The following SLC39A11 variants were observed in gnomAD, a reference collection of about 807,000 sequenced individuals.
SLC39A11 encodes solute carrier family 39 member 11.
Under a neutral mutation model 36.1 loss-of-function variants are expected in SLC39A11, and 33 were observed. The observed-to-expected ratio is 0.91, with a 90% CI of 0.69 to 1.22. The LOEUF (loss-of-function observed/expected upper bound fraction) is 1.22. Ranked by LOEUF, SLC39A11 falls within the 50% of genes most tolerant of loss-of-function variation. The pLI is 0.00. For synonymous variants in SLC39A11, 166 were observed against 170.3 expected, an observed-to-expected ratio of 0.97 and a Z score of 0.20; for missense variants, 432 against 430.3, an observed-to-expected ratio of 1.00 and a Z score of -0.03.
chr17:72,757,908 T>C (rs1268685563), intron 6 of SLC39A11, among the ~76,000 whole-genome samples: 1 of 152,050 alleles, frequency 6.6e-6, no homozygotes, highest in Non-Finnish European at 1.5e-5. Flanking sequence ...TGTTTTGAGA[T>C]AGAGTCTCAC....
At chr17:72,680,210 A>C (rs1352682773) in intron 7 of SLC39A11, among the ~76,000 whole-genome samples, 1 of 152,114 alleles carries the variant, frequency 6.6e-6, no homozygotes, top group African/African-American at 2.4e-5. Flanking sequence ...TTTATCACCC[A>C]AAAGCAAATG....
intron 5 of SLC39A11, among the ~76,000 whole-genome samples, chr17:72,905,698 C>A (rs578058783): frequency 1.3e-5 from 2 of 152,040 alleles, no homozygotes; most frequent in Non-Finnish European, 2.9e-5. Flanking sequence ...CTCTACCCAA[C>A]ATCTACTGTC....
At chr17:73,024,394 G>T (rs1389830584) in intron 4 of SLC39A11, among the ~76,000 whole-genome samples, 1 of 151,908 alleles carries the variant, frequency 6.6e-6, no homozygotes, top group Non-Finnish European at 1.5e-5. Context: ...AAACGAGTCG[G>T]GCTTACTTGA....
At chr17:72,685,061 T>C (rs560385619) in intron 7 of SLC39A11, among the ~76,000 whole-genome samples, 3 of 152,334 alleles carry the variant, frequency 2.0e-5, no homozygotes, top group African/African-American at 7.2e-5. Flanking sequence ...TCAACTCCAC[T>C]GAGTAGATGT....
chr17:73,049,844 C>T (rs1198108625), intron 3 of SLC39A11, among the ~76,000 whole-genome samples: 1 of 152,138 alleles, frequency 6.6e-6, no homozygotes, highest in East Asian at 1.9e-4. Context: ...AATGAGGTCC[C>T]AGGCACAGTG....
intron 6 of SLC39A11, among the ~76,000 whole-genome samples, chr17:72,749,410 C>T (rs1339961063): frequency 6.6e-6 from 1 of 152,204 alleles, no homozygotes; most frequent in African/African-American, 2.4e-5. Flanking sequence ...GACAGATTCA[C>T]TGTATGAAAG....
chr17:72,856,982 T>A (rs534196771), intron 5 of SLC39A11, among the ~76,000 whole-genome samples: 4 of 152,316 alleles, frequency 2.6e-5, no homozygotes, highest in Admixed American at 1.3e-4. Flanking sequence ...CATTCTTTTT[T>A]AAAAAACTTT....
intron 7 of SLC39A11, among the ~76,000 whole-genome samples, chr17:72,698,976 G>T (rs866113994): frequency 2.6e-5 from 4 of 152,152 alleles, no homozygotes; most frequent in Non-Finnish European, 5.9e-5. Flanking sequence ...GACTACAGGC[G>T]CCCGCCACCA....
At chr17:72,666,244 A>T (rs1598280888) in intron 7 of SLC39A11, among the ~76,000 whole-genome samples, 1 of 152,306 alleles carries the variant, frequency 6.6e-6, no homozygotes, top group Admixed American at 6.5e-5. Flanking sequence ...GCCTTTGCCA[A>T]AGCTCATTTT....
At chr17:72,690,727 G>A (rs999389987) in intron 7 of SLC39A11, among the ~76,000 whole-genome samples, 5 of 152,188 alleles carry the variant, frequency 3.3e-5, no homozygotes, top group Non-Finnish European at 5.9e-5. Context: ...TGGTGGGATG[G>A]AAGGAAAGAG....
chr17:72,892,278 C>T (rs528324707), intron 5 of SLC39A11, among the ~76,000 whole-genome samples: 10 of 151,718 alleles, frequency 6.6e-5, no homozygotes, highest in Middle Eastern at 6.9e-3. Flanking sequence ...GGTGTGATGG[C>T]GCATACCTGT....
intron 7 of SLC39A11, among the ~76,000 whole-genome samples, chr17:72,675,535 G>A (rs887248616): frequency 1.3e-5 from 2 of 152,154 alleles, no homozygotes; most frequent in South Asian, 4.1e-4. Context: ...CTTTGCCTTC[G>A]TGGCTTCTCT....
chr17:72,693,591 G>A (rs765829629), intron 7 of SLC39A11, among the ~76,000 whole-genome samples: 21 of 152,176 alleles, frequency 1.4e-4, no homozygotes, highest in Non-Finnish European at 2.1e-4. Flanking sequence ...CACGAAAGCC[G>A]CTGCACGCTC....
At chr17:72,759,249 G>A (rs1344733293) in intron 6 of SLC39A11, among the ~76,000 whole-genome samples, 1 of 151,332 alleles carries the variant, frequency 6.6e-6, no homozygotes, top group Non-Finnish European at 1.5e-5. Context: ...GTTTTTTTGT[G>A]GAGCCAAAAA....
At chr17:72,955,908 T>G (rs1276553611) in intron 4 of SLC39A11, among the ~76,000 whole-genome samples, 3 of 152,020 alleles carry the variant, frequency 2.0e-5, no homozygotes, top group Non-Finnish European at 4.4e-5. Flanking sequence ...AAGCGTGACG[T>G]TCCATCCACC....
At chr17:72,877,814 T>TTTATTATTA (rs534543674) in intron 5 of SLC39A11, among the ~76,000 whole-genome samples, 4 of 150,396 alleles carry the variant, frequency 2.7e-5, no homozygotes, top group Non-Finnish European at 4.4e-5. Flanking sequence ...TTTATTTTTA[T>TTTATTATTA]TTATTATTAT....
At chr17:72,912,249 G>A (rs72847998) in intron 5 of SLC39A11, among the ~76,000 whole-genome samples, 77,180 of 151,036 alleles carry the variant, frequency 0.51, 19,647 homozygotes, top group African/African-American at 0.53. Context: ...CCCTGCAGAA[G>A]CCTGGAGAGC....
chr17:72,914,272 T>A (rs950036367), intron 5 of SLC39A11, among the ~76,000 whole-genome samples: 1 of 147,536 alleles, frequency 6.8e-6, no homozygotes, highest in Non-Finnish European at 1.5e-5. Flanking sequence ...GACGAGATCG[T>A]GCCACTATAC....
rs1383257204 is a variant in SLC39A11, at chr17:72,848,535, C to G, written c.601+1099G>C. On this transcript the variant is annotated intron_variant, in intron 6 of 9. Transcript: ENST00000255559. ...AGGAGTTCAAGACCAGCCTGGCCAA[C>G]ATGGTGAAACCCCATCTCTACTAAA... is the stretch of plus-strand genomic sequence containing the variant. Among the ~76,000 whole-genome samples, 4 of 152,060 alleles carry G rather than the reference C, an allele frequency of 2.6e-5. No homozygotes were observed. The East Asian group carries it at 7.7e-4, about 29-fold the overall frequency.
Sources: gnomAD v4.1 joint callset for allele counts (sites outside exome capture counted in the v4.1 genomes callset) on GRCh38, gnomAD v4.1.1 for gene constraint, MANE v1.5 for transcripts, NCBI Gene and HGNC (gene_info 2026-07-23, HGNC 2026-07-21) for gene names.